SMG6: variants seen among roughly 807,000 people sequenced by gnomAD.
The protein encoded by SMG6 is SMG6 nonsense mediated mRNA decay factor, also known as telomerase-binding protein EST1A.
A neutral mutation model predicts 142.2 loss-of-function variants in SMG6; 66 were observed. The observed-to-expected ratio is 0.46, with a 90% CI of 0.38 to 0.57. The LOEUF (loss-of-function observed/expected upper bound fraction) is 0.57, where lower values mean the gene tolerates loss of function less well. SMG6 is among the 20% of genes least tolerant of loss of function. The probability of loss-of-function intolerance (pLI) is 0.00; values close to 1 mark genes in which losing one functional copy is unlikely to be tolerated. For missense variants in SMG6, 1,793 were observed against 1,832.0 expected, an observed-to-expected ratio of 0.98 and a Z score of 0.39; for synonymous variants, 779 against 702.4, an observed-to-expected ratio of 1.11 and a Z score of -1.72.
chr17:2,265,242 G>A (rs1026787057), intron 8 of SMG6, among the ~76,000 whole-genome samples: 14 of 152,134 alleles, frequency 9.2e-5, no homozygotes, highest in Admixed American at 2.0e-4. Flanking sequence ...ACTGTCGGCC[G>A]GGCACAGTGG....
chr17:2,091,341 GCA>G (rs773319338), intron 13 of SMG6, among the ~76,000 whole-genome samples: 5 of 152,234 alleles, frequency 3.3e-5, no homozygotes, highest in Non-Finnish European at 7.3e-5. Flanking sequence ...CCACAAGGAT[GCA>G]CAGTCAGTCT....
chr17:2,104,830 T>C lies in SMG6; in HGVS notation c.3358-18929A>G, dbSNP rs78637023. Among the ~76,000 whole-genome samples, 1,359 of 152,274 alleles carry C rather than the reference T, an allele frequency of 8.9e-3. 20 individuals are homozygous for C. The highest frequency in any genetic ancestry group is 0.031 in the African/African-American group (1,268 of 41,546). ...AACCCAGATTTGTCTTACTCCAAAG[T>C]TTGTGCTCAGTTCATTATATTATAA... On this transcript the variant is annotated intron_variant, in intron 13 of 18. Transcript: ENST00000263073.
chr17:2,090,182 C>CAAAAAA (rs71150849), intron 13 of SMG6, among the ~76,000 whole-genome samples: 2 of 96,672 alleles, frequency 2.1e-5, no homozygotes, highest in African/African-American at 4.1e-5. Context: ...GACTCTGTCT[C>CAAAAAA]AAAAAAAAAA....
At chr17:2,273,786 G>A (rs185521111) in intron 8 of SMG6, among the ~76,000 whole-genome samples, 2 of 151,872 alleles carry the variant, frequency 1.3e-5, no homozygotes, top group Admixed American at 6.6e-5. Context: ...AACAGAGTGA[G>A]ACTGTGTCTC....
intron 8 of SMG6, among the ~76,000 whole-genome samples, chr17:2,256,537 G>A (rs2074184369): frequency 6.6e-6 from 1 of 152,236 alleles, no homozygotes; most frequent in South Asian, 2.1e-4. Flanking sequence ...TGAGGCGGGT[G>A]GATCGCTTGA....
chr17:2,302,749 C>A (rs565951380), intron 1 of SMG6, among the ~76,000 whole-genome samples: 4 of 152,098 alleles, frequency 2.6e-5, no homozygotes, highest in African/African-American at 7.2e-5. Flanking sequence ...CATGAAGTAT[C>A]CACAAAGATA....
intron 13 of SMG6, among the ~76,000 whole-genome samples, chr17:2,127,057 T>C (rs991867844): frequency 1.4e-5 from 2 of 147,366 alleles, no homozygotes; most frequent in Admixed American, 7.0e-5. Context: ...GAGGATCCCT[T>C]GGGCTTGGGA....
rs2068538929 is a variant in SMG6, at chr17:2,085,611, T to G, written c.3534+114A>C. Reference sequence around the variant, plus strand: ...CTCTCGAGAAGCTGGCTGGTCACATTAACACAGACGCTGTTCTCTGTGCTC... The same window carrying G: ...CTCTCGAGAAGCTGGCTGGTCACATGAACACAGACGCTGTTCTCTGTGCTC... On this transcript the variant is annotated intron_variant, in intron 14 of 18. Coordinates refer to ENST00000263073, the MANE Select transcript of SMG6 (RefSeq NM_017575.5). This position sits in a 1 kb window ranked among gnomAD's most constrained non-coding sequence, Gnocchi z 4.1. The G allele has an allele frequency of 8.9e-7, 1 of 1,119,860 alleles. No homozygotes were observed. The highest frequency in any genetic ancestry group is 1.3e-6 in the Non-Finnish European group (1 of 776,864). The allele number at this position is 1,119,860 out of a possible 1,614,324, so 69.4% of individuals were successfully genotyped here. A position where few individuals can be genotyped will look rare whatever the true frequency, so the allele number is the denominator to read the frequency against.
chr17:2,176,542 T>A (rs1272329850), intron 12 of SMG6, among the ~76,000 whole-genome samples: 1 of 152,156 alleles, frequency 6.6e-6, no homozygotes, highest in African/African-American at 2.4e-5. Flanking sequence ...GAGTCCACAA[T>A]ATCCCGCTAA....
At chr17:2,255,480 A>G (rs1274724917) in intron 8 of SMG6, among the ~76,000 whole-genome samples, 1 of 151,240 alleles carries the variant, frequency 6.6e-6, no homozygotes, top group Non-Finnish European at 1.5e-5. Context: ...GGGAAGTGAC[A>G]TGAGCAAACC....
chr17:2,277,241 A>G (rs2074679803), intron 8 of SMG6, among the ~76,000 whole-genome samples: 1 of 144,328 alleles, frequency 6.9e-6, no homozygotes, highest in Non-Finnish European at 1.5e-5. Flanking sequence ...ATCTCGGCTC[A>G]CTGCAAGCTC....
At chr17:2,280,108 G>A (rs2074751153) in intron 8 of SMG6, among the ~76,000 whole-genome samples, 1 of 152,098 alleles carries the variant, frequency 6.6e-6, no homozygotes. Flanking sequence ...ATCAATGTGT[G>A]TGTTCCAAGG....
chr17:2,064,907 G>A (rs1413491019), intron 18 of SMG6, among the ~76,000 whole-genome samples, 166 bp downstream of exon 18: 1 of 151,676 alleles, frequency 6.6e-6, no homozygotes, highest in East Asian at 1.9e-4. Context: ...TGGGGCTGGG[G>A]GAGCCAGGAC....
chr17:2,260,088 T>A (rs1002043619), intron 8 of SMG6, among the ~76,000 whole-genome samples: 1 of 152,342 alleles, frequency 6.6e-6, no homozygotes, highest in East Asian at 1.9e-4. Context: ...TGAACTTCTG[T>A]ATCTGCTCTT....
At chr17:2,130,151 T>G (rs1487755442) in intron 13 of SMG6, among the ~76,000 whole-genome samples, 1 of 150,528 alleles carries the variant, frequency 6.6e-6, no homozygotes, top group Non-Finnish European at 1.5e-5. Context: ...TCCCAGCTAC[T>G]CGGGAGGCTG....
At chr17:2,075,669 T>A (rs9303241) in intron 15 of SMG6, among the ~76,000 whole-genome samples, 88,786 of 152,156 alleles carry the variant, frequency 0.58, 26,286 homozygotes, top group Admixed American at 0.65. Context: ...TCCCAAACCA[T>A]GTACCCTGCC....
At chr17:2,066,263 C>T (rs969938453) in intron 16 of SMG6, among the ~76,000 whole-genome samples, 13 of 151,692 alleles carry the variant, frequency 8.6e-5, no homozygotes, top group Non-Finnish European at 1.5e-4. Flanking sequence ...TGTGCGCGCA[C>T]GTGTATGTCT....
chr17:2,299,259 G>C lies in SMG6; in HGVS notation c.1494C>G (p.Tyr498Ter). 6.2e-7 allele frequency: 1 copy of C among 1,614,082 alleles called. No homozygotes were observed. The highest frequency in any genetic ancestry group is 8.5e-7 in the Non-Finnish European group (1 of 1,180,026). ...GGTTGTCAGAGTTTTGAAACTTATA[G>C]TAAGATGCCTGAGCCTGGCGTGAGT... ...WGDSRQAQAS[Y>*]YKFQNSDNPY... is the part of the protein sequence containing the mutation. Residue 498 changes from tyrosine to a stop codon, truncating the protein, a stop_gained, in exon 2 of 19, where the codon TAC becomes TAG. Transcript: ENST00000263073. LOFTEE classifies it high-confidence loss of function. This position sits in a 1 kb window ranked among gnomAD's most constrained non-coding sequence, Gnocchi z 4.3.
At chr17:2,254,298 A>G (rs2074114910) in intron 8 of SMG6, among the ~76,000 whole-genome samples, 1 of 152,200 alleles carries the variant, frequency 6.6e-6, no homozygotes, top group Non-Finnish European at 1.5e-5. Flanking sequence ...ACAACCAGAT[A>G]ACAGTTTTCC....
Sources: allele counts gnomAD v4.1 joint callset (sites outside exome capture counted in the v4.1 genomes callset), GRCh38; gene constraint gnomAD v4.1.1; non-coding constraint Gnocchi (gnomAD v3.1); transcripts MANE v1.5; gene names NCBI Gene and HGNC (gene_info 2026-07-23, HGNC 2026-07-21).